The following VPS45 variants were observed in gnomAD, a reference collection of about 807,000 sequenced individuals.
VPS45 encodes vacuolar protein sorting 45 homolog.
A neutral mutation model predicts 75.9 loss-of-function variants in VPS45; 35 were observed. That is an observed-to-expected ratio of 0.46 (90% confidence interval 0.35 to 0.61). The LOEUF (loss-of-function observed/expected upper bound fraction) is 0.61. Ranked by LOEUF, VPS45 falls within the 20% of genes least tolerant of loss-of-function variation. The pLI is 0.00. For synonymous variants in VPS45, 220 were observed against 238.2 expected (o/e 0.92, Z 0.70); for missense variants, 559 against 685.9 (o/e 0.81, Z 2.07).
intron 13 of VPS45, among the ~76,000 whole-genome samples, chr1:150,094,184 C>T (rs1037117916): frequency 6.6e-6 from 1 of 152,090 alleles, no homozygotes; most frequent in Non-Finnish European, 1.5e-5. Flanking sequence ...TTAATAAAAA[C>T]AAAACTTGTC....
At chr1:150,139,095 C>A (rs1571922425) in intron 14 of VPS45, among the ~76,000 whole-genome samples, 2 of 152,142 alleles carry the variant, frequency 1.3e-5, no homozygotes, top group South Asian at 4.1e-4. Flanking sequence ...TCCCCCAACA[C>A]CCCCTTCTCA....
At chr1:150,135,265 A>AT (rs1216178122) in intron 14 of VPS45, among the ~76,000 whole-genome samples, 1 of 151,826 alleles carries the variant, frequency 6.6e-6, no homozygotes, top group Non-Finnish European at 1.5e-5. Context: ...TTTTTATTTT[A>AT]TTTATTTATT....
intron 14 of VPS45, among the ~76,000 whole-genome samples, chr1:150,119,308 T>TACC (rs1222455670): frequency 2.6e-5 from 4 of 152,216 alleles, no homozygotes; most frequent in African/African-American, 4.8e-5. Flanking sequence ...TATACCTGGA[T>TACC]ATAGTAGGGC....
At chr1:150,098,028 T>C (rs1252580470) in intron 13 of VPS45, among the ~76,000 whole-genome samples, 2 of 152,126 alleles carry the variant, frequency 1.3e-5, no homozygotes, top group African/African-American at 4.8e-5. Flanking sequence ...TTTTGCATTT[T>C]TATAGAGACA....
intron 14 of VPS45, among the ~76,000 whole-genome samples, chr1:150,139,418 C>G (rs1424076866): frequency 6.6e-6 from 1 of 152,182 alleles, no homozygotes; most frequent in African/African-American, 2.4e-5. Context: ...TTGCCTCATT[C>G]AGGTCTTGAC....
At chr1:150,117,150 G>A (rs587620398) in intron 14 of VPS45, among the ~76,000 whole-genome samples, 6 of 151,794 alleles carry the variant, frequency 4.0e-5, no homozygotes, top group African/African-American at 9.7e-5. Flanking sequence ...GCAGTGAGCC[G>A]AGACTGTGCC....
At chr1:150,143,194 G>A (rs1259928233) in intron 14 of VPS45, among the ~76,000 whole-genome samples, 2 of 152,160 alleles carry the variant, frequency 1.3e-5, no homozygotes, top group African/African-American at 4.8e-5. Context: ...GTCTGGAAGG[G>A]CTTTACAGAA....
intron 6 of VPS45, 28 bp downstream of exon 6, chr1:150,077,259 A>G (rs1655445708): frequency 1.3e-6 from 2 of 1,598,498 alleles, no homozygotes; most frequent in Non-Finnish European, 1.7e-6. Context: ...CCTGGTTCCA[A>G]AACATAAAGG....
chr1:150,140,440 A>G (rs1659338071), intron 14 of VPS45, among the ~76,000 whole-genome samples: 1 of 132,346 alleles, frequency 7.6e-6, no homozygotes, highest in Non-Finnish European at 1.6e-5. Context: ...TTTAAAGTGG[A>G]ATGGTTTCTG....
chr1:150,082,909 C>T (rs1553799803), intron 10 of VPS45, 26 bp downstream of exon 10: 3 of 1,606,152 alleles, frequency 1.9e-6, no homozygotes, highest in Admixed American at 1.7e-5. Context: ...TGAGCACCTA[C>T]TATGTGTAAG....
At chr1:150,142,140 T>C (rs1553815417) in intron 14 of VPS45, among the ~76,000 whole-genome samples, 1 of 152,102 alleles carries the variant, frequency 6.6e-6, no homozygotes, top group East Asian at 1.9e-4. Context: ...CTGGTAAATA[T>C]AAATAGTAAG....
intron 9 of VPS45, 28 bp downstream of exon 9, chr1:150,082,025 A>ATGT: frequency 7.1e-7 from 1 of 1,407,774 alleles, no homozygotes; most frequent in Non-Finnish European, 1.0e-6. Context: ...ATGAATGACA[A>ATGT]ACATGTGACA....
At chr1:150,128,372 C>T (rs1553811353) in intron 14 of VPS45, among the ~76,000 whole-genome samples, 1 of 151,470 alleles carries the variant, frequency 6.6e-6, no homozygotes, top group African/African-American at 2.4e-5. Flanking sequence ...TGAAATGATG[C>T]CTAAGTGTTA....
In VPS45 at chr1:150,074,955, C is replaced by CTTTTTT. The variant is rs782039324; in HGVS notation, c.290-1259_290-1254dup. On this transcript the variant is annotated intron_variant, in intron 3 of 14. Coordinates refer to ENST00000644510, the MANE Select transcript of VPS45 (RefSeq NM_007259.5). The stretch of plus-strand genomic sequence containing the variant: ...TAAAAGTGAAAAATAATTATTTATT[C>CTTTTTT]TTTTTTTTTTTTTTTTTTTTTTTTG... Among the ~76,000 whole-genome samples, 26 of 81,116 alleles carry CTTTTTT rather than the reference C, an allele frequency of 3.2e-4. 1 individual carries two copies. The highest frequency in any genetic ancestry group is 3.9e-4 in the Admixed American group (2 of 5,092). The allele number at this position is 81,116 out of a possible 152,430, so 53.2% of individuals were successfully genotyped here. A position where few individuals can be genotyped will look rare whatever the true frequency, so the allele number is the denominator to read the frequency against.
chr1:150,122,988 C>CA lies in VPS45; in HGVS notation c.1625+12377dup, dbSNP rs111687152. On this transcript the variant is annotated intron_variant, in intron 14 of 14. Coordinates refer to ENST00000644510, the MANE Select transcript of VPS45 (RefSeq NM_007259.5). ...GGGCAACAAGAGCGAAACTCCTTCT[C>CA]AAAAAAAAAAAAAAAAGCATTTTCA... 8.3e-3 allele frequency among the ~76,000 whole-genome samples: 1,055 copies of CA among 126,520 alleles called. 44 individuals are homozygous for CA. The highest frequency in any genetic ancestry group is 0.025 in the African/African-American group (838 of 33,804). 83.0% of individuals were successfully genotyped at this position (126,520 alleles called of 152,430 possible).
Position 150,117,674 on chromosome 1 carries a change from T to C in VPS45, c.1625+7047T>C, listed in dbSNP as rs769964901. On this transcript the variant is annotated intron_variant, in intron 14 of 14. Transcript: ENST00000644510. ...AGGAGTTTGAGACCAGCCTGCGCAA[T>C]GTGGCGAAACTCCATCTCTACCAAA... Among the ~76,000 whole-genome samples, 38 of 149,718 alleles carry C rather than the reference T, an allele frequency of 2.5e-4. 1 individual carries two copies. Among genetic ancestry groups the C allele is most frequent in the Non-Finnish European group, 4.3e-4 (29 of 67,268 alleles).
chr1:150,074,955 CTTTTTTTTTTTTT>C (rs782039324), intron 3 of VPS45, among the ~76,000 whole-genome samples: 1 of 81,108 alleles, frequency 1.2e-5, no homozygotes, highest in East Asian at 3.7e-4. Context: ...ATTATTTATT[CTTTTTTTTTTTTT>C]TTTTTTTTTT....
chr1:150,105,688 A>G (rs1035223909), intron 13 of VPS45, among the ~76,000 whole-genome samples: 3 of 152,216 alleles, frequency 2.0e-5, no homozygotes, highest in Non-Finnish European at 4.4e-5. Flanking sequence ...ATATTACCCA[A>G]TGCAATCTAC....
chr1:150,110,665 T>G, intron 14 of VPS45, 38 bp downstream of exon 14: 2 of 1,543,740 alleles, frequency 1.3e-6, no homozygotes, highest in Non-Finnish European at 1.8e-6. Context: ...GTGTCCTCTT[T>G]CCCAGAGGAT....
Sources: allele counts gnomAD v4.1 joint callset (sites outside exome capture counted in the v4.1 genomes callset), GRCh38; gene constraint gnomAD v4.1.1; transcripts MANE v1.5; gene names NCBI Gene and HGNC (gene_info 2026-07-23, HGNC 2026-07-21).